The following ADGRL1 variants were observed in gnomAD, a reference collection of about 807,000 sequenced individuals.
ADGRL1 encodes CIRL-1.
A neutral mutation model predicts 148.9 loss-of-function variants in ADGRL1; 31 were observed. That is an observed-to-expected ratio of 0.21 (90% confidence interval 0.16 to 0.28). The LOEUF is 0.28. Ranked by LOEUF, ADGRL1 falls within the 10% of genes least tolerant of loss-of-function variation. The probability of loss-of-function intolerance (pLI) is 1.00; values close to 1 mark genes in which losing one functional copy is unlikely to be tolerated. For synonymous variants in ADGRL1, 937 were observed against 900.3 expected (o/e 1.04, Z -0.73); for missense variants, 1,521 against 2,058.8 (o/e 0.74, Z 5.05).
intron 3 of ADGRL1, among the ~76,000 whole-genome samples, chr19:14,175,840 A>G (rs1568606739): frequency 6.6e-6 from 1 of 151,496 alleles, no homozygotes; most frequent in Non-Finnish European, 1.5e-5. Flanking sequence ...GAATCACCTG[A>G]GGTCAGGAGT....
chr19:14,176,565 G>A (rs533458479), intron 3 of ADGRL1, among the ~76,000 whole-genome samples: 4 of 152,142 alleles, frequency 2.6e-5, no homozygotes, highest in South Asian at 2.1e-4. Context: ...GGGTGGGTGC[G>A]GTGGCTCATG....
chr19:14,158,335 C>T lies in ADGRL1; in HGVS notation c.2364+3G>A. The T allele has an allele frequency of 2.5e-6, 4 of 1,613,182 alleles. No individual in the cohort carries two copies. The highest frequency in any genetic ancestry group is 3.4e-6 in the Non-Finnish European group (4 of 1,179,954). ...ATGGAGGGAGGGGGACGGCTCAGCT[C>T]ACCTCCAGGTGGGCCACGGTGAAGA... On this transcript the variant is annotated splice_donor_region_variant and intron_variant, in intron 12 of 22. Coordinates refer to ENST00000361434, the MANE Select transcript of ADGRL1 (RefSeq NM_014921.5).
Position 14,152,023 on chromosome 19 carries a change from G to A in ADGRL1, c.3667+110C>T, listed in dbSNP as rs914995144. The A allele has an allele frequency of 4.1e-6, 4 of 975,288 alleles. No individual in the cohort carries two copies. The highest frequency in any genetic ancestry group is 6.6e-6 in the Non-Finnish European group (4 of 606,336). 60.4% of individuals were successfully genotyped at this position (975,288 alleles called of 1,614,324 possible). A position where few individuals can be genotyped will look rare whatever the true frequency, so the allele number is the denominator to read the frequency against. On this transcript the variant is annotated intron_variant, in intron 22 of 22. Coordinates refer to ENST00000361434, the MANE Select transcript of ADGRL1 (RefSeq NM_014921.5). This position sits in a 1 kb window ranked among gnomAD's most constrained non-coding sequence, Gnocchi z 6.1. ...GTGTGTCGGGGGGTGGGGAAATGTGGGCATGGGGAGGCATCCCGAGTTCTC... is the reference window on the plus strand; with the variant it reads ...GTGTGTCGGGGGGTGGGGAAATGTGAGCATGGGGAGGCATCCCGAGTTCTC...
chr19:14,155,486 C>A lies in ADGRL1; in HGVS notation c.3167G>T (p.Gly1056Val). 1 of 1,613,968 alleles carries A rather than the reference C, an allele frequency of 6.2e-7. No homozygotes were observed. The highest frequency in any genetic ancestry group is 8.5e-7 in the Non-Finnish European group (1 of 1,179,972). ...GAGGAGGCCGAAAGCCCAGGTGAGG[C>A]CCAGCAGGAACAGCAGCGCGATGGC... ...LGAIALLFLL[G>V]LTWAFGLLFI... The change falls in exon 18 of 23, where the codon GGC becomes GTC. Residue 1056 changes from glycine (G) to valine (V), a missense_variant. Physicochemically the swap from Gly to Val is moderately radical, Grantham distance 109 (BLOSUM62 -3). Coordinates refer to ENST00000361434, the MANE Select transcript of ADGRL1 (RefSeq NM_014921.5). This position sits in a 1 kb window ranked among gnomAD's most constrained non-coding sequence, Gnocchi z 5.0.
intron 1 of ADGRL1, among the ~76,000 whole-genome samples, chr19:14,193,792 A>T (rs1226058783): frequency 6.6e-6 from 1 of 152,226 alleles, no homozygotes; most frequent in African/African-American, 2.4e-5. Context: ...GGCAGAGATC[A>T]GAGTGATGCT....
At position 14,161,725 on chromosome 19, in the gene ADGRL1, C is replaced by T; in HGVS notation, c.1196-99G>A. ...CAGGCCATCTTAGCATCTTCCTCAT[C>T]TACTGAAGTGGAAACACGTGCCGGG... On this transcript the variant is annotated intron_variant, in intron 5 of 22. Coordinates refer to ENST00000361434, the MANE Select transcript of ADGRL1 (RefSeq NM_014921.5). The surrounding 1 kb of genome is among the most constrained non-coding windows in gnomAD (Gnocchi z 4.4). 1.1e-6 allele frequency: 1 copy of T among 873,742 alleles called. No homozygotes were observed. The highest frequency in any genetic ancestry group is 3.3e-5 in the South Asian group (1 of 30,508). The allele number at this position is 873,742 out of a possible 1,614,324, so 54.1% of individuals were successfully genotyped here.
In ADGRL1 at chr19:14,155,463, G is replaced by A. The variant is rs368344176; in HGVS notation, c.3190C>T (p.Leu1064Phe). 1.2e-6 allele frequency: 2 copies of A among 1,614,150 alleles called. No individual in the cohort carries two copies. The highest frequency in any genetic ancestry group is 2.2e-5 in the East Asian group (1 of 44,880). Residue 1064 changes from leucine to phenylalanine, a missense_variant, in exon 18 of 23, where the codon CTC becomes TTC. By Grantham distance (22) the Leu-to-Phe change is conservative (BLOSUM62 0). Transcript: ENST00000361434. This position sits in a 1 kb window ranked among gnomAD's most constrained non-coding sequence, Gnocchi z 5.0. ...ACCACCGACTCCTTGTTGATGAAGA[G>A]GAGGCCGAAAGCCCAGGTGAGGCCC... ...LLGLTWAFGL[L>F]FINKESVVMA...
chr19:14,167,181 C>T, intron 4 of ADGRL1: 1 of 736,268 alleles, frequency 1.4e-6, no homozygotes, highest in Admixed American at 2.3e-5. Context: ...GCTTCCCCAA[C>T]CCCTTCCGTA....
At chr19:14,174,397 AGAGAG>A (rs1970677208) in intron 3 of ADGRL1, among the ~76,000 whole-genome samples, 1 of 152,150 alleles carries the variant, frequency 6.6e-6, no homozygotes, top group African/African-American at 2.4e-5. Flanking sequence ...AGAGAGAGGC[AGAGAG>A]GAGGAGATGA....
At chr19:14,163,462 G>T in intron 4 of ADGRL1, 56 bp from the exon 5 acceptor site, 5 of 1,020,846 alleles carry the variant, frequency 4.9e-6, no homozygotes, top group Non-Finnish European at 7.0e-6. Flanking sequence ...GAGGCGAGAG[G>T]GAGGAGAGAG....
At chr19:14,189,283 C>T (rs899108952) in intron 1 of ADGRL1, among the ~76,000 whole-genome samples, 2 of 150,838 alleles carry the variant, frequency 1.3e-5, no homozygotes, top group African/African-American at 4.9e-5. Flanking sequence ...TGCCGTGGCC[C>T]AATCTCGGCT....
chr19:14,180,265 A>G (rs895138162), intron 2 of ADGRL1, among the ~76,000 whole-genome samples: 4 of 151,760 alleles, frequency 2.6e-5, no homozygotes, highest in African/African-American at 9.7e-5. Flanking sequence ...CCTGACTTCT[A>G]TTTGTTTTGA....
In ADGRL1 at chr19:14,159,151, C is replaced by A. The variant is rs1400341016; in HGVS notation, c.2088G>T (p.Glu696Asp). ...GCTGGATGGAGTTCTTTCTCGGGTA[C>A]TCCTCCTGGGGGAACACCAGCTCCT... ...QVQELVFPQE[E>D]YPRKNSIQLS... Residue 696 changes from glutamate to aspartate, a missense_variant, in exon 11 of 23, where the codon GAG becomes GAT. Physicochemically the swap from Glu to Asp is conservative, Grantham distance 45 (BLOSUM62 2). Coordinates refer to ENST00000361434, the MANE Select transcript of ADGRL1 (RefSeq NM_014921.5). The surrounding 1 kb of genome is among the most constrained non-coding windows in gnomAD (Gnocchi z 6.0). The A allele has an allele frequency of 6.2e-7, 1 of 1,614,120 alleles. No homozygotes were observed. Among genetic ancestry groups the A allele is most frequent in the Non-Finnish European group, 8.5e-7 (1 of 1,180,010 alleles).
chr19:14,163,655 C>T (rs1277576636), intron 4 of ADGRL1, among the ~76,000 whole-genome samples: 1 of 151,988 alleles, frequency 6.6e-6, no homozygotes, highest in Non-Finnish European at 1.5e-5. Context: ...TGCCCCTCTC[C>T]CTGGAAATGT....
chr19:14,169,894 T>C (rs1970324790), intron 4 of ADGRL1: 1 of 152,098 alleles, frequency 6.6e-6, no homozygotes, highest in South Asian at 2.1e-4. Flanking sequence ...GACCTTGTCT[T>C]TGTCTGATCC....
intron 2 of ADGRL1, among the ~76,000 whole-genome samples, chr19:14,179,458 CACTACAGCCTGGGCG>C (rs1971042884): frequency 6.6e-6 from 1 of 152,000 alleles, no homozygotes; most frequent in East Asian, 1.9e-4. Context: ...TGCACCACTG[CACTACAGCCTGGGCG>C]ACAGAGCGAG....
At chr19:14,198,951 G>A (rs369779243) in intron 1 of ADGRL1, among the ~76,000 whole-genome samples, 41 of 152,280 alleles carry the variant, frequency 2.7e-4, no homozygotes, top group Middle Eastern at 3.4e-3. Context: ...TGCACTCTGA[G>A]CTCAGCAGAG....
intron 1 of ADGRL1, among the ~76,000 whole-genome samples, chr19:14,185,675 A>G (rs979141112): frequency 6.6e-6 from 1 of 152,138 alleles, no homozygotes; most frequent in African/African-American, 2.4e-5. Context: ...AGCCTGTCCC[A>G]TCTCAGGCTG....
At chr19:14,180,095 C>A (rs973211040) in intron 2 of ADGRL1, among the ~76,000 whole-genome samples, 1 of 152,150 alleles carries the variant, frequency 6.6e-6, no homozygotes, top group Non-Finnish European at 1.5e-5. Context: ...CCCTGGATAA[C>A]AAGGCTTGGG....
Sources: gnomAD v4.1 joint callset for allele counts (sites outside exome capture counted in the v4.1 genomes callset) on GRCh38, gnomAD v4.1.1 for gene constraint, Gnocchi (gnomAD v3.1) non-coding constraint, MANE v1.5 for transcripts, NCBI Gene and HGNC (gene_info 2026-07-23, HGNC 2026-07-21) for gene names.